Variants in DAB1 observed in about 807,000 individuals in gnomAD.
The protein encoded by DAB1 is disabled homolog 1.
A neutral mutation model predicts 64.6 loss-of-function variants in DAB1; 15 were observed. That is an observed-to-expected ratio of 0.23 (90% CI 0.16 to 0.36). The LOEUF (loss-of-function observed/expected upper bound fraction) is 0.36, where lower values mean the gene tolerates loss of function less well. DAB1 is among the 10% of genes least tolerant of loss of function. The probability of loss-of-function intolerance (pLI) is 1.00; values close to 1 mark genes in which losing one functional copy is unlikely to be tolerated. For missense variants in DAB1, 596 were observed against 706.7 expected, an observed-to-expected ratio of 0.84 and a Z score of 1.78; for synonymous variants, 235 against 251.9, an observed-to-expected ratio of 0.93 and a Z score of 0.64.
rs543358708 is a variant in DAB1 at position 57,518,373 on chromosome 1, A to T, written n.625+131219T>A. Among the ~76,000 whole-genome samples the T allele has an allele frequency of 3.9e-5, 6 of 152,256 alleles. No homozygotes were observed. The South Asian group carries it at 8.3e-4, about 21-fold the overall frequency. On this transcript the variant is annotated intron_variant and non_coding_transcript_variant, in intron 7 of 20. Transcript: ENST00000485760. Reference sequence around the variant, plus strand: ...TTTGTGATCTTATCACTCAAATCTCAACTCCAATGCCACCTCTTCAGAGAT... The same window carrying T: ...TTTGTGATCTTATCACTCAAATCTCTACTCCAATGCCACCTCTTCAGAGAT...
At chr1:57,866,570 T>C (rs963671986) in intron 1 of DAB1, among the ~76,000 whole-genome samples, 13 of 152,158 alleles carry the variant, frequency 8.5e-5, no homozygotes, top group Non-Finnish European at 1.2e-4. Flanking sequence ...GGTCTCAGCA[T>C]AGTGTTTTCC....
intron 6 of DAB1, among the ~76,000 whole-genome samples, chr1:57,759,261 G>T (rs2101814941): frequency 6.6e-6 from 1 of 152,234 alleles, no homozygotes; most frequent in South Asian, 2.1e-4. Flanking sequence ...CCCTGGTTTT[G>T]TCATTTTTCA....
At chr1:58,418,018 G>A (rs1250586898) in intron 3 of DAB1, among the ~76,000 whole-genome samples, 1 of 152,058 alleles carries the variant, frequency 6.6e-6, no homozygotes. Flanking sequence ...TCTATTGGAA[G>A]GGAAGACTCA....
At chr1:57,438,499 T>C (rs1685783369) in intron 7 of DAB1, among the ~76,000 whole-genome samples, 2 of 152,174 alleles carry the variant, frequency 1.3e-5, no homozygotes, top group East Asian at 1.9e-4. Context: ...ATCTGGTCAC[T>C]CATATTTGCA....
chr1:57,142,598 T>TCACACA (rs149545090), intron 3 of DAB1, among the ~76,000 whole-genome samples: 17,268 of 142,626 alleles, frequency 0.12, 1,108 homozygotes, highest in South Asian at 0.18. Flanking sequence ...TCACTGCAGG[T>TCACACA]CACACACACA....
chr1:58,187,605 G>A (rs920122250), intron 4 of DAB1, among the ~76,000 whole-genome samples: 2 of 149,966 alleles, frequency 1.3e-5, no homozygotes, highest in Non-Finnish European at 3.0e-5. Flanking sequence ...TTGAGAAAGA[G>A]TTGCACTCTT....
intron 4 of DAB1, among the ~76,000 whole-genome samples, chr1:58,206,582 A>C (rs903239363): frequency 6.6e-6 from 1 of 152,184 alleles, no homozygotes; most frequent in African/African-American, 2.4e-5. Flanking sequence ...CACAAATAAT[A>C]TATCTACCTG....
At chr1:57,197,343 CAAAA>C (rs772162205) in intron 2 of DAB1, among the ~76,000 whole-genome samples, 1 of 90,112 alleles carries the variant, frequency 1.1e-5, no homozygotes, top group African/African-American at 3.8e-5. Flanking sequence ...GACTTCATCT[CAAAA>C]AAAAAAAAAA....
At chr1:58,436,717 T>G (rs1644949142) in intron 3 of DAB1, among the ~76,000 whole-genome samples, 1 of 152,256 alleles carries the variant, frequency 6.6e-6, no homozygotes, top group Non-Finnish European at 1.5e-5. Context: ...TGTATCCAAC[T>G]GCTCAATGTA....
intron 1 of DAB1, among the ~76,000 whole-genome samples, chr1:57,833,051 G>A (rs1652657921): frequency 7.8e-6 from 1 of 127,444 alleles, no homozygotes; most frequent in African/African-American, 3.0e-5. Context: ...GTGAGCCTGG[G>A]AAGGACTGAG....
intron 7 of DAB1, among the ~76,000 whole-genome samples, chr1:57,453,856 T>C (rs1686483999): frequency 6.6e-6 from 1 of 151,888 alleles, no homozygotes; most frequent in South Asian, 2.1e-4. Context: ...TCTTTTTTTC[T>C]CCAAACACAT....
intron 1 of DAB1, among the ~76,000 whole-genome samples, chr1:57,827,442 C>A (rs74731634): frequency 0.025 from 3,830 of 152,200 alleles, 131 homozygotes; most frequent in East Asian, 0.13. Flanking sequence ...CATTCTGTGA[C>A]CTTGGGCAAT....
At chr1:58,491,373 C>T (rs1417105959) in intron 3 of DAB1, among the ~76,000 whole-genome samples, 5 of 152,094 alleles carry the variant, frequency 3.3e-5, no homozygotes, top group Non-Finnish European at 5.9e-5. Context: ...GCAAAATAAC[C>T]AGCTAACATC....
exon 1 of DAB1, chr1:58,546,721 G>C (rs1052371295): frequency 1.3e-5 from 2 of 152,190 alleles, no homozygotes; most frequent in African/African-American, 4.8e-5. Flanking sequence ...AAGCGAAAGC[G>C]GTGACACCGC....
chr1:58,095,702 C>T (rs1650937355), intron 5 of DAB1, among the ~76,000 whole-genome samples: 1 of 152,188 alleles, frequency 6.6e-6, no homozygotes, highest in Admixed American at 6.5e-5. Context: ...TGCTGTGGAA[C>T]TGGGTCACAA....
rs1251931656 is a variant in DAB1, at chr1:58,118,497, T to TAC, written n.387+32013_387+32014insGT. Reference sequence around the variant, plus strand: ...ATATATATATATATATATATATATATATATATACACACACACACACACACA... The same window carrying TAC: ...ATATATATATATATATATATATATATACATATATACACACACACACACACACA... On this transcript the variant is annotated intron_variant and non_coding_transcript_variant, in intron 5 of 20. Transcript: ENST00000485760. Among the ~76,000 whole-genome samples the TAC allele has an allele frequency of 3.1e-3, 259 of 83,988 alleles. 1 individual carries two copies. Among genetic ancestry groups the TAC allele is most frequent in the South Asian group, 9.0e-3 (22 of 2,444 alleles). 55.1% of individuals were successfully genotyped at this position (83,988 alleles called of 152,430 possible). A position where few individuals can be genotyped will look rare whatever the true frequency, so the allele number is the denominator to read the frequency against.
intron 3 of DAB1, among the ~76,000 whole-genome samples, chr1:58,486,459 CT>C (rs920144561): frequency 2.8e-4 from 43 of 152,162 alleles, no homozygotes; most frequent in Admixed American, 2.0e-3. Context: ...AGTGGAAGGA[CT>C]GTTCAATTCT....
chr1:58,158,873 T>C (rs955821457), intron 4 of DAB1, among the ~76,000 whole-genome samples: 2 of 152,128 alleles, frequency 1.3e-5, no homozygotes, highest in African/African-American at 4.8e-5. Context: ...CACATACACA[T>C]GCACACAAGC....
chr1:57,446,670 C>T (rs1424423623), intron 7 of DAB1, among the ~76,000 whole-genome samples: 1 of 151,448 alleles, frequency 6.6e-6, no homozygotes, highest in South Asian at 2.1e-4. Context: ...TAGTCACATT[C>T]CCACCTGCAC....
Sources: allele counts gnomAD v4.1 joint callset (sites outside exome capture counted in the v4.1 genomes callset), GRCh38; gene constraint gnomAD v4.1.1; transcripts MANE v1.5; gene names NCBI Gene and HGNC (gene_info 2026-07-23, HGNC 2026-07-21).